TRIM74: variants seen among roughly 807,000 people sequenced by gnomAD.
TRIM74 encodes the protein tripartite motif containing 74.
TRIM74 carries 3 observed loss-of-function variants against 14.5 expected under a neutral mutation model. The observed-to-expected ratio is 0.21, with a 90% CI of 0.09 to 0.53. The LOEUF is 0.53. Among genes scored for constraint, TRIM74 ranks in the 20% least tolerant of loss-of-function variants. The pLI is 0.95. For synonymous variants in TRIM74, 10 were observed against 71.3 expected (o/e 0.14, Z 4.33); for missense variants, 26 against 174.0 (o/e 0.15, Z 4.79).
intron 2 of TRIM74, among the ~76,000 whole-genome samples, chr7:72,962,595 T>G (rs1586215949): frequency 3.0e-5 from 1 of 33,270 alleles, no homozygotes; most frequent in Non-Finnish European, 5.2e-5. Flanking sequence ...GGCAGGAGAA[T>G]GGCGTGAACC....
chr7:72,955,111 A>ATAT (rs1346659193), downstream of TRIM74: 64 of 112,932 alleles, frequency 5.7e-4, no homozygotes, highest in South Asian at 3.5e-3. Context: ...ATATATATAT[A>ATAT]TTTTTTTTTT....
intron 2 of TRIM74, among the ~76,000 whole-genome samples, chr7:72,963,850 C>T (rs1306279438): frequency 1.8e-5 from 1 of 57,080 alleles, no homozygotes; most frequent in African/African-American, 6.5e-5. Context: ...GGCTTCCTCA[C>T]CTGCAGTTGG....
At chr7:72,967,272 G>C (rs1798308833) in intron 1 of TRIM74, among the ~76,000 whole-genome samples, 1 of 132,948 alleles carries the variant, frequency 7.5e-6, no homozygotes, top group Non-Finnish European at 1.6e-5. Flanking sequence ...CTGGGGGGCA[G>C]GGGAAGACAG....
chr7:72,955,230 A>G (rs1308089486), downstream of TRIM74, among the ~76,000 whole-genome samples: 1 of 117,392 alleles, frequency 8.5e-6, no homozygotes, highest in Admixed American at 8.9e-5. Context: ...TGGAGTAGCT[A>G]GGACTACAGG....
chr7:72,966,911 A>C, intron 1 of TRIM74: 1 of 139,750 alleles, frequency 7.2e-6, no homozygotes, highest in African/African-American at 2.6e-5. Flanking sequence ...CCAGCAGGGA[A>C]CAGCAGGCAC....
upstream of TRIM74, chr7:72,969,602 C>T: frequency 6.7e-7 from 1 of 1,485,312 alleles, no homozygotes; most frequent in Non-Finnish European, 9.2e-7. Context: ...CGTGCGACCT[C>T]TGTAGTTCCA....
chr7:72,956,354 ATAAATAAATAAATAAT>A (rs1233646440), downstream of TRIM74, among the ~76,000 whole-genome samples: 8 of 98,962 alleles, frequency 8.1e-5, no homozygotes, highest in Non-Finnish European at 1.6e-4. Flanking sequence ...CAAAAAATAA[ATAAATAAATAAATAAT>A]CAGTCTGGTT....
downstream of TRIM74, chr7:72,955,099 A>T: frequency 6.0e-6 from 1 of 165,640 alleles, no homozygotes; most frequent in Non-Finnish European, 1.1e-5. Context: ...ATATATATAT[A>T]TATATATATA....
intron 1 of TRIM74, among the ~76,000 whole-genome samples, chr7:72,966,411 G>A (rs1189117367): frequency 6.9e-6 from 1 of 144,178 alleles, no homozygotes; most frequent in Non-Finnish European, 1.5e-5. Context: ...GTGTGTGTGT[G>A]TGTGTGTGTC....
downstream of TRIM74, chr7:72,955,085 GTGTATATA>G: frequency 1.7e-5 from 7 of 422,502 alleles, no homozygotes; most frequent in Non-Finnish European, 2.1e-5. Flanking sequence ...GTGTGTATGT[GTGTATATA>G]TATATATATA....
chr7:72,966,464 A>G (rs1326105610), intron 1 of TRIM74, among the ~76,000 whole-genome samples: 2 of 131,412 alleles, frequency 1.5e-5, no homozygotes, highest in Non-Finnish European at 3.1e-5. Context: ...GAAAGGGGCC[A>G]TCTGCAGGGT....
intron 2 of TRIM74, among the ~76,000 whole-genome samples, chr7:72,963,716 A>C (rs1317753537): frequency 2.1e-5 from 3 of 146,094 alleles, no homozygotes; most frequent in Non-Finnish European, 4.6e-5. Context: ...ACCAAAAAAA[A>C]AAAAATTAAG....
intron 1 of TRIM74, among the ~76,000 whole-genome samples, chr7:72,967,236 T>C (rs1554507496): frequency 6.7e-6 from 1 of 149,286 alleles, no homozygotes; most frequent in Non-Finnish European, 1.5e-5. Flanking sequence ...CTTGCTCTTA[T>C]ATCCTTTTTT....
chr7:72,956,705 G>A (rs1399658688), downstream of TRIM74, among the ~76,000 whole-genome samples: 3 of 145,510 alleles, frequency 2.1e-5, no homozygotes, highest in African/African-American at 2.6e-5. Flanking sequence ...GCCTGGAAAT[G>A]TCACCTTCTA....
chr7:72,954,904 T>C (rs1554505365), downstream of TRIM74: 3 of 539,756 alleles, frequency 5.6e-6, no homozygotes, highest in Non-Finnish European at 9.9e-6. Context: ...CCTGCTGGGG[T>C]AGGGAATGCG....
downstream of TRIM74, among the ~76,000 whole-genome samples, chr7:72,955,459 T>C (rs1454598511): frequency 2.4e-5 from 3 of 124,200 alleles, no homozygotes; most frequent in Admixed American, 1.7e-4. Context: ...ATGGCTGTGT[T>C]CTCAGGGAGG....
downstream of TRIM74, chr7:72,955,115 T>A (rs373152955): frequency 5.5e-3 from 1,005 of 182,756 alleles, 4 homozygotes; most frequent in African/African-American, 0.01. Context: ...ATATATATTT[T>A]TTTTTTTTTC....
At chr7:72,955,723 A>C (rs1325707385), downstream of TRIM74, among the ~76,000 whole-genome samples, 1 of 137,558 alleles carries the variant, frequency 7.3e-6, no homozygotes, top group Non-Finnish European at 1.5e-5. Context: ...CCCAGGCTGG[A>C]GTGCAGTGGC....
intron 1 of TRIM74, among the ~76,000 whole-genome samples, chr7:72,967,315 TG>T (rs1798310697): frequency 1.3e-5 from 2 of 151,430 alleles, no homozygotes; most frequent in South Asian, 4.2e-4. Context: ...TGGAGTGCAG[TG>T]GCGTGGTCAC....
Sources: allele counts gnomAD v4.1 joint callset (sites outside exome capture counted in the v4.1 genomes callset), GRCh38; gene constraint gnomAD v4.1.1; transcripts MANE v1.5; gene names NCBI Gene and HGNC (gene_info 2026-07-23, HGNC 2026-07-21).